ARHGAP6: variants seen among roughly 807,000 people sequenced by gnomAD.
The protein encoded by ARHGAP6 is Rho GTPase activating protein 6.
ARHGAP6 carries 16 observed loss-of-function variants against 55.7 expected under a neutral mutation model. The ratio of observed to expected loss-of-function variants is 0.29; its 90% CI spans 0.19 to 0.44. The LOEUF (loss-of-function observed/expected upper bound fraction) is 0.44. Ranked by LOEUF, ARHGAP6 falls within the 20% of genes least tolerant of loss-of-function variation. The probability of loss-of-function intolerance (pLI) is 1.00; values close to 1 mark genes in which losing one functional copy is unlikely to be tolerated. For synonymous variants in ARHGAP6, 382 were observed against 360.9 expected, an observed-to-expected ratio of 1.06 and a Z score of -0.66; for missense variants, 698 against 808.9, an observed-to-expected ratio of 0.86 and a Z score of 1.66.
At chrX:11,186,473 C>T (rs1569246774) in intron 4 of ARHGAP6, 42 bp from the exon 5 acceptor site, 1 of 1,096,375 alleles carries the variant, frequency 9.1e-7, no homozygotes, top group Non-Finnish European at 1.2e-6. Context: ...TACAGATAGC[C>T]AAAAAACCCA....
At chrX:11,228,343 T>A (rs1230845681) in intron 2 of ARHGAP6, among the ~76,000 whole-genome samples, 1 of 112,125 alleles carries the variant, frequency 8.9e-6, no homozygotes, top group Non-Finnish European at 1.9e-5. Context: ...AAAATTTAAG[T>A]ATTTGGAGCT....
At chrX:11,520,145 AT>A (rs1310605256) in intron 1 of ARHGAP6, among the ~76,000 whole-genome samples, 11 of 61,013 alleles carry the variant, frequency 1.8e-4, no homozygotes, top group African/African-American at 6.8e-4. Context: ...ATATATATAT[AT>A]ATATATATAT....
intron 1 of ARHGAP6, among the ~76,000 whole-genome samples, chrX:11,569,877 A>C (rs185934956): frequency 8.9e-5 from 10 of 112,114 alleles, no homozygotes; most frequent in African/African-American, 3.2e-4. Flanking sequence ...CATGGCATTT[A>C]TTTTTGTCAT....
chrX:11,443,485 A>C (rs1032467549), intron 1 of ARHGAP6, among the ~76,000 whole-genome samples: 14 of 111,931 alleles, frequency 1.3e-4, no homozygotes, highest in African/African-American at 4.2e-4. Flanking sequence ...AGCTTCTCAA[A>C]GTCTTTATAC....
At chrX:11,153,729 A>C (rs1184706670) in intron 10 of ARHGAP6, among the ~76,000 whole-genome samples, 1 of 110,362 alleles carries the variant, frequency 9.1e-6, no homozygotes, top group Non-Finnish European at 1.9e-5. Flanking sequence ...TCTTCTCCTA[A>C]GTAAGTCTTC....
intron 1 of ARHGAP6, among the ~76,000 whole-genome samples, chrX:11,663,620 C>A (rs1347112112): frequency 2.7e-5 from 3 of 111,989 alleles, no homozygotes; most frequent in Middle Eastern, 4.6e-3. Context: ...TAGGCATCAG[C>A]ATATTTCCAT....
intron 1 of ARHGAP6, among the ~76,000 whole-genome samples, chrX:11,587,966 C>T (rs768943446): frequency 8.9e-6 from 1 of 112,319 alleles, no homozygotes; most frequent in African/African-American, 3.2e-5. Context: ...TTTAACCCCT[C>T]TGCGTTCTCC....
chrX:11,458,765 C>T (rs180747611), intron 1 of ARHGAP6, among the ~76,000 whole-genome samples: 2 of 111,557 alleles, frequency 1.8e-5, no homozygotes, highest in East Asian at 5.6e-4. Context: ...CATCAGCAAA[C>T]AAAACAGGCA....
intron 1 of ARHGAP6, among the ~76,000 whole-genome samples, chrX:11,439,926 A>G (rs1169081000): frequency 8.9e-6 from 1 of 112,678 alleles, no homozygotes; most frequent in Non-Finnish European, 1.9e-5. Flanking sequence ...TTGACAAAGT[A>G]TTTCCCTCTC....
intron 1 of ARHGAP6, among the ~76,000 whole-genome samples, chrX:11,360,744 A>G (rs1180961633): frequency 9.0e-6 from 1 of 111,300 alleles, no homozygotes; most frequent in African/African-American, 3.3e-5. Context: ...ACACGATTGT[A>G]TATCTAGAAA....
At chrX:11,484,025 T>C (rs1322421382) in intron 1 of ARHGAP6, among the ~76,000 whole-genome samples, 1 of 112,137 alleles carries the variant, frequency 8.9e-6, no homozygotes, top group Non-Finnish European at 1.9e-5. Flanking sequence ...ATGAGAATAA[T>C]TTGAAATAAC....
At chrX:11,615,468 A>G (rs1228330494) in intron 1 of ARHGAP6, among the ~76,000 whole-genome samples, 3 of 111,739 alleles carry the variant, frequency 2.7e-5, no homozygotes, top group Non-Finnish European at 3.8e-5. Context: ...ATATCTCTGC[A>G]AGTTCCTTAG....
At chrX:11,642,244 A>G (rs2052482702) in intron 1 of ARHGAP6, among the ~76,000 whole-genome samples, 1 of 111,921 alleles carries the variant, frequency 8.9e-6, no homozygotes, top group African/African-American at 3.2e-5. Context: ...CTTGGGTGCC[A>G]TCACTTAAAC....
At chrX:11,614,186 C>G (rs770586636) in intron 1 of ARHGAP6, among the ~76,000 whole-genome samples, 1 of 111,943 alleles carries the variant, frequency 8.9e-6, no homozygotes, top group Non-Finnish European at 1.9e-5. Context: ...CACCCCTATA[C>G]CTCTCAGAAA....
At chrX:11,639,521 G>A (rs2052452263) in intron 1 of ARHGAP6, among the ~76,000 whole-genome samples, 1 of 111,098 alleles carries the variant, frequency 9.0e-6, no homozygotes, top group South Asian at 3.8e-4. Flanking sequence ...CTGCATCCAT[G>A]TTCCTGCAAA....
At chrX:11,606,643 C>G (rs1474780054) in intron 1 of ARHGAP6, among the ~76,000 whole-genome samples, 1 of 111,615 alleles carries the variant, frequency 9.0e-6, no homozygotes, top group East Asian at 2.8e-4. Context: ...GGGGAAAGCA[C>G]AGTGGGAGCA....
intron 1 of ARHGAP6, among the ~76,000 whole-genome samples, chrX:11,360,124 C>G (rs1291685293): frequency 9.9e-5 from 11 of 111,634 alleles, no homozygotes; most frequent in African/African-American, 1.3e-4. Flanking sequence ...CCAATCAATA[C>G]AAAAAGAGGG....
chrX:11,259,050 C>A (rs1418054813), intron 1 of ARHGAP6, among the ~76,000 whole-genome samples: 2 of 111,577 alleles, frequency 1.8e-5, no homozygotes, highest in Non-Finnish European at 3.8e-5. Flanking sequence ...ACTATAGTCA[C>A]CCTGTTGTGC....
At chrX:11,352,809 G>A (rs2048880053) in intron 1 of ARHGAP6, among the ~76,000 whole-genome samples, 1 of 110,624 alleles carries the variant, frequency 9.0e-6, no homozygotes, top group African/African-American at 3.3e-5. Context: ...TATTTTAGTT[G>A]GAATATAATA....
Sources: allele counts gnomAD v4.1 joint callset (sites outside exome capture counted in the v4.1 genomes callset), GRCh38; gene constraint gnomAD v4.1.1; transcripts MANE v1.5; gene names NCBI Gene and HGNC (gene_info 2026-07-23, HGNC 2026-07-21).